TTC28: variants seen among roughly 807,000 people sequenced by gnomAD.
The protein encoded by TTC28 is tetratricopeptide repeat domain 28, also known as tetratricopeptide repeat protein 28.
In TTC28, 61 loss-of-function variants were observed where a neutral mutation model predicts 198.0. The ratio of observed to expected loss-of-function variants is 0.31; its 90% CI spans 0.25 to 0.38. TTC28 has a LOEUF of 0.38. Among genes scored for constraint, TTC28 ranks in the 10% least tolerant of loss-of-function variants. The probability of loss-of-function intolerance (pLI) is 1.00; values close to 1 mark genes in which losing one functional copy is unlikely to be tolerated. For missense variants in TTC28, 2,678 were observed against 3,164.0 expected, an observed-to-expected ratio of 0.85 and a Z score of 3.69; for synonymous variants, 1,171 against 1,297.8, an observed-to-expected ratio of 0.90 and a Z score of 2.10.
At chr22:28,019,920 C>G (rs1232597715) in intron 13 of TTC28, among the ~76,000 whole-genome samples, 2 of 152,234 alleles carry the variant, frequency 1.3e-5, no homozygotes, top group Non-Finnish European at 2.9e-5. Flanking sequence ...GAGTAGAACA[C>G]ACATGCACCC....
chr22:28,450,021 G>T (rs1048716794), intron 2 of TTC28, among the ~76,000 whole-genome samples: 1 of 152,168 alleles, frequency 6.6e-6, no homozygotes, highest in African/African-American at 2.4e-5. Flanking sequence ...AAGACTTGTA[G>T]GATCTAAGGT....
chr22:28,536,448 C>T (rs1156252480), intron 2 of TTC28, among the ~76,000 whole-genome samples: 2 of 151,860 alleles, frequency 1.3e-5, no homozygotes, highest in East Asian at 2.0e-4. Flanking sequence ...CACGGTGAAA[C>T]CCCGTCTCTA....
At chr22:28,238,743 G>T (rs539855261) in intron 5 of TTC28, among the ~76,000 whole-genome samples, 2 of 152,176 alleles carry the variant, frequency 1.3e-5, no homozygotes, top group African/African-American at 4.8e-5. Flanking sequence ...CCAGGTAGTT[G>T]TTCTTTCCCT....
intron 2 of TTC28, among the ~76,000 whole-genome samples, chr22:28,317,369 C>T (rs561909242): frequency 2.4e-4 from 37 of 152,084 alleles, no homozygotes; most frequent in Non-Finnish European, 3.1e-4. Flanking sequence ...ATCTTTATAT[C>T]CTGTTTATAT....
chr22:28,624,684 A>G (rs1174282212), intron 2 of TTC28, among the ~76,000 whole-genome samples: 5 of 152,200 alleles, frequency 3.3e-5, no homozygotes, highest in Non-Finnish European at 7.4e-5. Flanking sequence ...AATAATGCCA[A>G]TCCTACACAA....
chr22:28,360,112 C>G (rs1477190653), intron 2 of TTC28, among the ~76,000 whole-genome samples: 1 of 152,154 alleles, frequency 6.6e-6, no homozygotes, highest in Non-Finnish European at 1.5e-5. Context: ...TTCCCTCTCT[C>G]CTCTCTTCTC....
chr22:28,211,674 T>G (rs1034374810), intron 5 of TTC28, among the ~76,000 whole-genome samples: 2 of 151,856 alleles, frequency 1.3e-5, no homozygotes, highest in Non-Finnish European at 2.9e-5. Flanking sequence ...TTCCAAACAA[T>G]AATAATGAGA....
chr22:28,001,861 G>A (rs776702337), intron 14 of TTC28: 16 of 328,782 alleles, frequency 4.9e-5, no homozygotes, highest in East Asian at 1.4e-4. Context: ...GGTCTGTACC[G>A]CACAGGCACC....
intron 2 of TTC28, among the ~76,000 whole-genome samples, chr22:28,568,701 G>A (rs1466594978): frequency 2.0e-5 from 3 of 152,170 alleles, no homozygotes; most frequent in Admixed American, 6.5e-5. Context: ...CAAAATTAGA[G>A]ATGATACAAA....
intron 16 of TTC28, among the ~76,000 whole-genome samples, chr22:27,996,798 C>T (rs1234677829): frequency 1.3e-5 from 2 of 152,202 alleles, no homozygotes; most frequent in Non-Finnish European, 2.9e-5. Flanking sequence ...CTCAAGCCCA[C>T]AGGCAACTTT....
At chr22:28,672,476 A>AT (rs1454857146) in intron 1 of TTC28, among the ~76,000 whole-genome samples, 3 of 151,894 alleles carry the variant, frequency 2.0e-5, no homozygotes, top group Admixed American at 1.3e-4. Flanking sequence ...AATTTTTTGT[A>AT]TTTTTATTAG....
intron 5 of TTC28, among the ~76,000 whole-genome samples, chr22:28,288,673 C>T (rs1271970954): frequency 6.6e-6 from 1 of 151,782 alleles, no homozygotes; most frequent in Non-Finnish European, 1.5e-5. Flanking sequence ...AATAGCCAGG[C>T]GTTGTGGCGG....
At chr22:28,304,971 A>ATTTATTTATTTAT (rs374311864) in intron 3 of TTC28, among the ~76,000 whole-genome samples, 1 of 147,884 alleles carries the variant, frequency 6.8e-6, no homozygotes, top group African/African-American at 2.5e-5. Flanking sequence ...TTGTTTATTT[A>ATTTATTTATTTAT]TTATTTATTT....
At chr22:27,990,633 G>A (rs1346365017) in intron 20 of TTC28, among the ~76,000 whole-genome samples, 156 bp downstream of exon 20, 1 of 152,142 alleles carries the variant, frequency 6.6e-6, no homozygotes, top group Non-Finnish European at 1.5e-5. Context: ...CGGGCCGCCA[G>A]TCCAGCAGCA....
intron 2 of TTC28, among the ~76,000 whole-genome samples, chr22:28,369,847 T>C (rs1312429067): frequency 1.3e-5 from 2 of 152,160 alleles, no homozygotes; most frequent in East Asian, 1.9e-4. Flanking sequence ...ATAAGAGTAA[T>C]AGGAATATAC....
intron 6 of TTC28, among the ~76,000 whole-genome samples, chr22:28,162,055 AGGC>A (rs978206299): frequency 2.4e-3 from 359 of 152,300 alleles, no homozygotes; most frequent in African/African-American, 8.3e-3. Flanking sequence ...ATGTGGTGCC[AGGC>A]ACAGGGATAA....
intron 5 of TTC28, among the ~76,000 whole-genome samples, chr22:28,248,934 A>G (rs1192205925): frequency 6.6e-6 from 1 of 152,310 alleles, no homozygotes; most frequent in Admixed American, 6.5e-5. Flanking sequence ...CAGCTTTATC[A>G]TGTGAGTAAA....
At position 28,026,056 on chromosome 22, in the gene TTC28, C is replaced by G. The variant is rs895831807; in HGVS notation, c.4073+4170G>C. Among the ~76,000 whole-genome samples, 4 of 152,222 alleles carry G rather than the reference C, an allele frequency of 2.6e-5. No homozygotes were observed. In the South Asian group the frequency reaches 8.3e-4, roughly 32 times the overall value. ...CTTTAGGAAGTCCTCCTGTGTATTA[C>G]AGTCACTGCATTCCCTCCCACCTCC... is the stretch of plus-strand genomic sequence containing the variant. On this transcript the variant is annotated intron_variant, in intron 13 of 22. Transcript: ENST00000397906.
intron 2 of TTC28, among the ~76,000 whole-genome samples, chr22:28,468,556 G>A (rs921483537): frequency 6.7e-6 from 1 of 149,630 alleles, no homozygotes; most frequent in Non-Finnish European, 1.5e-5. Flanking sequence ...TCACTCTGTC[G>A]CCCAGGCTGG....
Sources: allele counts gnomAD v4.1 joint callset (sites outside exome capture counted in the v4.1 genomes callset), GRCh38; gene constraint gnomAD v4.1.1; transcripts MANE v1.5; gene names NCBI Gene and HGNC (gene_info 2026-07-23, HGNC 2026-07-21).